Variants in NPAS3 observed in about 807,000 individuals in gnomAD.
NPAS3 encodes neuronal PAS domain-containing protein 3.
Under a neutral mutation model 73.1 loss-of-function variants are expected in NPAS3, and 14 were observed. The ratio of observed to expected loss-of-function variants is 0.19; its 90% CI spans 0.13 to 0.30. The LOEUF is 0.30. Among genes scored for constraint, NPAS3 ranks in the 10% least tolerant of loss-of-function variants. NPAS3 has a pLI of 1.00. For synonymous variants in NPAS3, 620 were observed against 541.5 expected (o/e 1.14, Z -2.01); for missense variants, 1,096 against 1,250.0 (o/e 0.88, Z 1.86).
chr14:33,736,964 G>A (rs2140659448), intron 7 of NPAS3, among the ~76,000 whole-genome samples: 1 of 152,216 alleles, frequency 6.6e-6, no homozygotes, highest in South Asian at 2.1e-4. Context: ...CAATATGCTG[G>A]GCATGATATA....
At chr14:33,536,672 T>C (rs2054275486) in intron 4 of NPAS3, among the ~76,000 whole-genome samples, 1 of 151,572 alleles carries the variant, frequency 6.6e-6, no homozygotes, top group Non-Finnish European at 1.5e-5. Context: ...ATTGTTATTT[T>C]ATGTGCTTTT....
chr14:33,619,351 C>G (rs1248413245), intron 5 of NPAS3, among the ~76,000 whole-genome samples: 2 of 152,068 alleles, frequency 1.3e-5, no homozygotes, highest in South Asian at 2.1e-4. Context: ...AAGCATTTCT[C>G]TGTTCCTGAA....
intron 6 of NPAS3, among the ~76,000 whole-genome samples, chr14:33,679,082 A>G (rs2059856904): frequency 6.6e-6 from 1 of 152,146 alleles, no homozygotes; most frequent in African/African-American, 2.4e-5. Flanking sequence ...CCCTGCCTTC[A>G]CCAGCCTTCC....
chr14:33,793,996 C>T (rs1479336303), exon 10 of NPAS3: 1 of 1,613,498 alleles, frequency 6.2e-7, no homozygotes, highest in Non-Finnish European at 8.5e-7. Context: ...GCTATTAATG[C>T]CAAGAATGCA....
At chr14:33,387,232 C>T (rs565056146) in intron 4 of NPAS3, among the ~76,000 whole-genome samples, 42 of 152,132 alleles carry the variant, frequency 2.8e-4, no homozygotes, top group Non-Finnish European at 6.2e-4. Flanking sequence ...TAAGCTACCT[C>T]AGTGTTGTCA....
At chr14:32,943,982 G>T (rs540063108) in intron 1 of NPAS3, among the ~76,000 whole-genome samples, 15 of 152,266 alleles carry the variant, frequency 9.9e-5, no homozygotes, top group Non-Finnish European at 8.8e-5. Flanking sequence ...GAGCCACTGT[G>T]CCTGGCCTTT....
chr14:33,449,347 T>A (rs1391006588), intron 4 of NPAS3, among the ~76,000 whole-genome samples: 1 of 152,208 alleles, frequency 6.6e-6, no homozygotes, highest in Non-Finnish European at 1.5e-5. Flanking sequence ...CCTGTTTTTA[T>A]AAGTAAATTT....
intron 4 of NPAS3, among the ~76,000 whole-genome samples, chr14:33,394,349 G>T (rs1303635866): frequency 6.6e-6 from 1 of 152,114 alleles, no homozygotes; most frequent in Non-Finnish European, 1.5e-5. Flanking sequence ...TACTAAAGGG[G>T]CACGGTATAT....
chr14:33,542,535 AT>A (rs978106548), intron 4 of NPAS3, among the ~76,000 whole-genome samples: 14 of 151,048 alleles, frequency 9.3e-5, no homozygotes, highest in African/African-American at 3.2e-4. Context: ...TCATCTCATC[AT>A]TTTTTTTCAG....
chr14:33,282,026 TC>T (rs1331854472), intron 3 of NPAS3, among the ~76,000 whole-genome samples: 2 of 152,156 alleles, frequency 1.3e-5, no homozygotes, highest in African/African-American at 4.8e-5. Flanking sequence ...CTGTCAAGTG[TC>T]CCCAGTAGCT....
At position 33,247,736 on chromosome 14, in the gene NPAS3, C is replaced by T. The variant is rs997647186; in HGVS notation, c.385+32310C>T. Among the ~76,000 whole-genome samples the T allele has an allele frequency of 4.0e-4, 61 of 152,194 alleles. 1 individual carries two copies. Among genetic ancestry groups the T allele is most frequent in the African/African-American group, 1.4e-3 (57 of 41,454 alleles). On this transcript the variant is annotated intron_variant, in intron 3 of 11. Coordinates refer to ENST00000356141, the Ensembl canonical transcript of NPAS3. ...TCCATAATTTGTTTTAAGAAGTCCT[C>T]ATGTCGAAAAGATAGAATTACTTTA... is the stretch of plus-strand genomic sequence containing the variant.
chr14:33,422,677 A>T (rs1176602861), intron 4 of NPAS3, among the ~76,000 whole-genome samples: 1 of 151,958 alleles, frequency 6.6e-6, no homozygotes, highest in Non-Finnish European at 1.5e-5. Context: ...AAGAGTAGAC[A>T]CTCAAAATAT....
chr14:33,722,689 T>C (rs750919672), intron 6 of NPAS3, among the ~76,000 whole-genome samples: 2 of 152,162 alleles, frequency 1.3e-5, no homozygotes, highest in Non-Finnish European at 2.9e-5. Context: ...ATGTCAAAAA[T>C]AGAGATTCAT....
chr14:33,237,497 T>C (rs1200551317), intron 3 of NPAS3, among the ~76,000 whole-genome samples: 1 of 152,094 alleles, frequency 6.6e-6, no homozygotes, highest in South Asian at 2.1e-4. Flanking sequence ...GACCATGTTG[T>C]AAGAAAAATT....
At chr14:33,757,069 G>T (rs185970324) in intron 7 of NPAS3, among the ~76,000 whole-genome samples, 1 of 152,316 alleles carries the variant, frequency 6.6e-6, no homozygotes, top group Non-Finnish European at 1.5e-5. Context: ...TAAACACAAG[G>T]CAGATTCAGG....
At chr14:33,724,483 A>G (rs969829936) in intron 6 of NPAS3, among the ~76,000 whole-genome samples, 1 of 151,958 alleles carries the variant, frequency 6.6e-6, no homozygotes, top group Non-Finnish European at 1.5e-5. Flanking sequence ...AAAACACAAA[A>G]AGTAGCCAGG....
At chr14:33,123,601 G>A (rs150884347) in intron 2 of NPAS3, among the ~76,000 whole-genome samples, 323 of 152,200 alleles carry the variant, frequency 2.1e-3, no homozygotes, top group Non-Finnish European at 2.8e-3. Context: ...GTAGCAGATA[G>A]TCGGGAGGAG....
At chr14:33,761,167 G>C (rs114091160) in intron 7 of NPAS3, among the ~76,000 whole-genome samples, 108 of 151,444 alleles carry the variant, frequency 7.1e-4, no homozygotes, top group Middle Eastern at 3.4e-3. Context: ...TTACAAGATT[G>C]ATTTGCTTGG....
At chr14:33,708,887 G>A (rs970323740) in intron 6 of NPAS3, among the ~76,000 whole-genome samples, 2 of 152,160 alleles carry the variant, frequency 1.3e-5, no homozygotes, top group African/African-American at 2.4e-5. Context: ...ACTGAGACTA[G>A]GGTTTGGTCA....
Sources: gnomAD v4.1 joint callset for allele counts (sites outside exome capture counted in the v4.1 genomes callset) on GRCh38, gnomAD v4.1.1 for gene constraint, MANE v1.5 for transcripts, NCBI Gene and HGNC (gene_info 2026-07-23, HGNC 2026-07-21) for gene names.